Variants in NR3C2 observed in about 807,000 individuals in gnomAD.
NR3C2 encodes mineralocorticoid receptor.
A neutral mutation model predicts 86.4 loss-of-function variants in NR3C2; 15 were observed. The observed-to-expected ratio is 0.17, with a 90% confidence interval of 0.12 to 0.27. The LOEUF is 0.27. Ranked by LOEUF, NR3C2 falls within the 10% of genes least tolerant of loss-of-function variation. NR3C2 has a pLI of 1.00. For missense variants in NR3C2, 960 were observed against 1,195.6 expected, an observed-to-expected ratio of 0.80 and a Z score of 2.91; for synonymous variants, 458 against 450.5, an observed-to-expected ratio of 1.02 and a Z score of -0.21.
intron 2 of NR3C2, among the ~76,000 whole-genome samples, chr4:148,304,328 CTTT>C (rs35633620): frequency 9.5e-5 from 8 of 83,882 alleles, no homozygotes; most frequent in African/African-American, 1.3e-4. Flanking sequence ...GTTGTTGTTG[CTTT>C]TTTTTTTTTT....
Position 148,092,179 on chromosome 4 carries a change from G to A in NR3C2, c.2800-10680C>T, listed in dbSNP as rs113487131. 1.8e-3 allele frequency among the ~76,000 whole-genome samples: 280 copies of A among 152,234 alleles called. 1 individual carries two copies. The highest frequency in any genetic ancestry group is 6.5e-3 in the African/African-American group (268 of 41,542). ...CTTTCTCTGCAGTCACCTCTTCCCC[G>A]CAGGCCTTCCTGGGGCCCAGCCTGA... On this transcript the variant is annotated intron_variant, in intron 8 of 8. Coordinates refer to ENST00000358102, the MANE Select transcript of NR3C2 (RefSeq NM_000901.5).
intron 2 of NR3C2, among the ~76,000 whole-genome samples, chr4:148,364,256 G>A (rs1482451969): frequency 1.3e-5 from 2 of 152,060 alleles, no homozygotes; most frequent in Non-Finnish European, 2.9e-5. Flanking sequence ...ATACTACTAC[G>A]CTTCAGTGTG....
chr4:148,285,491 G>A (rs565547339), intron 2 of NR3C2, among the ~76,000 whole-genome samples: 3 of 152,230 alleles, frequency 2.0e-5, no homozygotes, highest in Admixed American at 1.3e-4. Flanking sequence ...GGCAGATCAC[G>A]AGGTCAAGAG....
intron 8 of NR3C2, among the ~76,000 whole-genome samples, chr4:148,094,008 T>TA (rs1360497383): frequency 6.6e-6 from 1 of 151,820 alleles, no homozygotes; most frequent in Non-Finnish European, 1.5e-5. Flanking sequence ...CCAAACTGAA[T>TA]AAAAAAATTG....
At chr4:148,391,591 G>A (rs531139702) in intron 2 of NR3C2, among the ~76,000 whole-genome samples, 1 of 152,314 alleles carries the variant, frequency 6.6e-6, no homozygotes, top group African/African-American at 2.4e-5. Flanking sequence ...TCAAGGACAG[G>A]AGTGGTGGCT....
chr4:148,380,085 T>C lies in NR3C2; in HGVS notation c.1757+55019A>G, dbSNP rs1475862847. Among the ~76,000 whole-genome samples the C allele has an allele frequency of 2.0e-5, 3 of 152,342 alleles. No individual in the cohort carries two copies. In the East Asian group the frequency reaches 5.8e-4, roughly 29 times the overall value. ...TAGACTTTTTTGTTTTTTATTGAGA[T>C]ATAATTCAGATACCATAATATTCAT... is the stretch of plus-strand genomic sequence containing the variant. On this transcript the variant is annotated intron_variant, in intron 2 of 8. Transcript: ENST00000358102.
rs1408425829 is a variant in NR3C2 at position 148,080,242 on chromosome 4, CA to C, written c.*1101del. ...AGCCAGAAAACGTGCTGGAGTCCCA[CA>C]AATGCCCCAAGCGGGAGACCAAGAA... On this transcript the variant is annotated 3_prime_UTR_variant, in exon 9 of 9. Transcript: ENST00000358102. The C allele has an allele frequency of 6.6e-6, 1 of 152,460 alleles. No homozygotes were observed. Among genetic ancestry groups the C allele is most frequent in the African/African-American group, 2.4e-5 (1 of 41,420 alleles). 9.4% of individuals were successfully genotyped at this position (152,460 alleles called of 1,614,324 possible).
At chr4:148,410,871 C>T (rs1278720771) in intron 2 of NR3C2, among the ~76,000 whole-genome samples, 1 of 152,026 alleles carries the variant, frequency 6.6e-6, no homozygotes, top group Non-Finnish European at 1.5e-5. Context: ...GGAGTAGTGA[C>T]AAAAATATGC....
intron 8 of NR3C2, among the ~76,000 whole-genome samples, chr4:148,088,662 A>G (rs1315736279): frequency 9.9e-5 from 15 of 151,122 alleles, no homozygotes; most frequent in African/African-American, 3.4e-4. Context: ...GGAGTTGAAC[A>G]ATGAGAACAC....
chr4:148,321,344 T>C (rs1392154169), intron 2 of NR3C2, among the ~76,000 whole-genome samples: 1 of 151,348 alleles, frequency 6.6e-6, no homozygotes, highest in Non-Finnish European at 1.5e-5. Context: ...CTGAAAAAAA[T>C]GTATATTCTG....
intron 2 of NR3C2, among the ~76,000 whole-genome samples, chr4:148,288,667 A>G (rs1474610455): frequency 6.6e-6 from 1 of 151,820 alleles, no homozygotes; most frequent in East Asian, 1.9e-4. Flanking sequence ...TTTTTTTCCT[A>G]CCGTCTTCCA....
At chr4:148,418,312 T>C (rs1579275210) in intron 2 of NR3C2, among the ~76,000 whole-genome samples, 1 of 152,194 alleles carries the variant, frequency 6.6e-6, no homozygotes, top group East Asian at 1.9e-4. Flanking sequence ...CTATTTGCTT[T>C]ACTGCCCACA....
chr4:148,289,375 T>C (rs1222094579), intron 2 of NR3C2, among the ~76,000 whole-genome samples: 1 of 152,170 alleles, frequency 6.6e-6, no homozygotes, highest in Non-Finnish European at 1.5e-5. Flanking sequence ...TCTGTATATT[T>C]GATGTTTTTC....
chr4:148,103,537 G>A (rs764076317), intron 8 of NR3C2, among the ~76,000 whole-genome samples: 11 of 152,154 alleles, frequency 7.2e-5, no homozygotes, highest in Non-Finnish European at 1.2e-4. Flanking sequence ...GAGATGGCTC[G>A]TTTCACAGAG....
chr4:148,086,567 T>A (rs1730823314), intron 8 of NR3C2, among the ~76,000 whole-genome samples: 1 of 151,980 alleles, frequency 6.6e-6, no homozygotes, highest in African/African-American at 2.4e-5. Flanking sequence ...AAACCCTGTC[T>A]CCACTTAAAA....
intron 2 of NR3C2, among the ~76,000 whole-genome samples, chr4:148,312,073 A>G (rs1456580376): frequency 1.6e-5 from 2 of 121,504 alleles, no homozygotes; most frequent in African/African-American, 9.0e-5. Flanking sequence ...TTAACATATC[A>G]CATTTTACTT....
At chr4:148,401,221 C>T (rs1560711485) in intron 2 of NR3C2, among the ~76,000 whole-genome samples, 1 of 152,194 alleles carries the variant, frequency 6.6e-6, no homozygotes, top group African/African-American at 2.4e-5. Flanking sequence ...ATTGCATCTA[C>T]TATGTGGAAT....
chr4:148,373,426 C>G (rs1272212987), intron 2 of NR3C2, among the ~76,000 whole-genome samples: 1 of 151,004 alleles, frequency 6.6e-6, no homozygotes, highest in East Asian at 1.9e-4. Flanking sequence ...AGCAGAGTAC[C>G]TTGGATTCCC....
chr4:148,276,683 C>T (rs544545296), intron 2 of NR3C2, among the ~76,000 whole-genome samples: 213 of 152,274 alleles, frequency 1.4e-3, no homozygotes, highest in African/African-American at 4.8e-3. Context: ...CCTTTTCCCA[C>T]AATCAGTAAT....
Sources: allele counts gnomAD v4.1 joint callset (sites outside exome capture counted in the v4.1 genomes callset), GRCh38; gene constraint gnomAD v4.1.1; transcripts MANE v1.5; gene names NCBI Gene and HGNC (gene_info 2026-07-23, HGNC 2026-07-21).